Variants in MAGT1 observed in about 807,000 individuals in gnomAD.
MAGT1 encodes magnesium transporter 1, also known as dolichyl-diphosphooligosaccharide--protein glycosyltransferase subunit MAGT1.
A neutral mutation model predicts 28.4 loss-of-function variants in MAGT1; 4 were observed. The ratio of observed to expected loss-of-function variants is 0.14; its 90% confidence interval spans 0.07 to 0.32. The LOEUF is 0.32. Ranked by LOEUF, MAGT1 falls within the 10% of genes least tolerant of loss-of-function variation. The probability of loss-of-function intolerance (pLI) is 1.00; values close to 1 mark genes in which losing one functional copy is unlikely to be tolerated. For missense variants in MAGT1, 193 were observed against 264.5 expected (o/e 0.73, Z 1.88); for synonymous variants, 89 against 89.7 (o/e 0.99, Z 0.04).
Position 77,881,666 on chromosome X carries a change from G to C in MAGT1, c.103-6069C>G, listed in dbSNP as rs782761064. Among the ~76,000 whole-genome samples the C allele has an allele frequency of 6.3e-5, 7 of 111,007 alleles. No individual in the cohort carries two copies. In the South Asian group the frequency reaches 2.7e-3, roughly 42 times the overall value. On this transcript the variant is annotated intron_variant, in intron 1 of 9. Coordinates refer to ENST00000618282, the MANE Select transcript of MAGT1 (RefSeq NM_001367916.1). ...CATTTTCTTAATCCAGGCTATCATTGTTAGACATTTGGGTTGGTTCCAAGT... is the reference window on the plus strand; with the variant it reads ...CATTTTCTTAATCCAGGCTATCATTCTTAGACATTTGGGTTGGTTCCAAGT...
chrX:77,880,957 CAAAAAAA>C (rs11285161), intron 1 of MAGT1, among the ~76,000 whole-genome samples: 1 of 35,453 alleles, frequency 2.8e-5, no homozygotes, highest in Non-Finnish European at 4.8e-5. Context: ...GAATCTGTCT[CAAAAAAA>C]AAAAAAAAAA....
At chrX:77,887,096 CTT>C (rs1207142077) in intron 1 of MAGT1, among the ~76,000 whole-genome samples, 2 of 111,058 alleles carry the variant, frequency 1.8e-5, no homozygotes, top group Non-Finnish European at 3.8e-5. Context: ...CTCTCTCTCT[CTT>C]TTGTTTCAAT....
chrX:77,861,104 G>A (rs782736778), intron 3 of MAGT1, among the ~76,000 whole-genome samples: 1 of 109,469 alleles, frequency 9.1e-6, no homozygotes, highest in South Asian at 3.9e-4. Context: ...GCTTGAACCC[G>A]GGAAACGGAG....
At chrX:77,879,335 G>A (rs1423055912) in intron 1 of MAGT1, among the ~76,000 whole-genome samples, 2 of 111,878 alleles carry the variant, frequency 1.8e-5, no homozygotes, top group Non-Finnish European at 3.8e-5. Context: ...GATTACAGGC[G>A]TGAATCACTG....
In MAGT1 at chrX:77,829,052, G is replaced by T; in HGVS notation, c.*168C>A. 4 of 422,884 alleles carry T rather than the reference G, an allele frequency of 9.5e-6. No individual in the cohort carries two copies. The highest frequency in any genetic ancestry group is 8.4e-5 in the South Asian group (2 of 23,888). 34.9% of individuals were successfully genotyped at this position (422,884 alleles called of 1,213,427 possible). ...ATACCTCAGATTTTGACAGAGGATTGCTTGTTAAGGCACTACACATCTTCT... is the reference window on the plus strand; with the variant it reads ...ATACCTCAGATTTTGACAGAGGATTTCTTGTTAAGGCACTACACATCTTCT... On this transcript the variant is annotated 3_prime_UTR_variant, in exon 10 of 10. Coordinates refer to ENST00000618282, the MANE Select transcript of MAGT1 (RefSeq NM_001367916.1).
intron 1 of MAGT1, among the ~76,000 whole-genome samples, chrX:77,886,001 C>A (rs1167252141): frequency 9.0e-6 from 1 of 110,813 alleles, no homozygotes; most frequent in Non-Finnish European, 1.9e-5. Context: ...AAAAAAATCT[C>A]TTTTAGAGAT....
intron 7 of MAGT1, among the ~76,000 whole-genome samples, chrX:77,841,642 T>TGTTTGA (rs2076934989): frequency 9.1e-6 from 1 of 110,226 alleles, no homozygotes; most frequent in Non-Finnish European, 1.9e-5. Flanking sequence ...ATTCAGTTAT[T>TGTTTGA]GCCCTGACCT....
At chrX:77,879,643 T>C in intron 1 of MAGT1, among the ~76,000 whole-genome samples, 1 of 110,846 alleles carries the variant, frequency 9.0e-6, no homozygotes, top group Non-Finnish European at 1.9e-5. Flanking sequence ...CACAATTCTT[T>C]ACCATACAGT....
intron 5 of MAGT1, 120 bp downstream of exon 5, chrX:77,856,613 A>G: frequency 8.8e-6 from 6 of 682,022 alleles, no homozygotes; most frequent in Non-Finnish European, 1.3e-5. Flanking sequence ...TAAAATATAT[A>G]AAACTATTTT....
At chrX:77,844,879 T>C (rs1307221494) in intron 7 of MAGT1, among the ~76,000 whole-genome samples, 2 of 111,772 alleles carry the variant, frequency 1.8e-5, no homozygotes, top group Admixed American at 9.6e-5. Flanking sequence ...TGGTCAATTT[T>C]GGAATAGGTG....
intron 7 of MAGT1, among the ~76,000 whole-genome samples, chrX:77,843,054 A>G (rs1557214562): frequency 8.9e-6 from 1 of 111,866 alleles, no homozygotes; most frequent in Non-Finnish European, 1.9e-5. Flanking sequence ...TACTAACAGC[A>G]GTAAAACACT....
chrX:77,857,147 G>C (rs888326782), intron 4 of MAGT1, among the ~76,000 whole-genome samples: 2 of 111,647 alleles, frequency 1.8e-5, no homozygotes, highest in African/African-American at 6.5e-5. Context: ...AAGGTCGAAA[G>C]AGTGGTTTCC....
chrX:77,840,528 G>T (rs1272556656), intron 8 of MAGT1, among the ~76,000 whole-genome samples: 3 of 110,888 alleles, frequency 2.7e-5, no homozygotes, highest in African/African-American at 9.8e-5. Flanking sequence ...GAAAAAAATC[G>T]GAATAGTTAA....
intron 1 of MAGT1, among the ~76,000 whole-genome samples, chrX:77,886,001 C>G (rs1167252141): frequency 4.5e-5 from 5 of 110,760 alleles, no homozygotes; most frequent in African/African-American, 1.6e-4. Flanking sequence ...AAAAAAATCT[C>G]TTTTAGAGAT....
At chrX:77,882,870 G>A (rs2077056348) in intron 1 of MAGT1, among the ~76,000 whole-genome samples, 1 of 106,752 alleles carries the variant, frequency 9.4e-6, no homozygotes, top group South Asian at 3.9e-4. Flanking sequence ...AGGAGGCTGA[G>A]GCAGGAGGAT....
At chrX:77,889,374 ATAT>A (rs2077075804) in intron 1 of MAGT1, among the ~76,000 whole-genome samples, 1 of 98,991 alleles carries the variant, frequency 1.0e-5, no homozygotes, top group Admixed American at 1.1e-4. Flanking sequence ...ATATATATAT[ATAT>A]TTTTTTTTTT....
intron 2 of MAGT1, among the ~76,000 whole-genome samples, chrX:77,874,173 A>G (rs2077027033): frequency 9.3e-6 from 1 of 107,479 alleles, no homozygotes; most frequent in African/African-American, 3.4e-5. Context: ...TATAGATACA[A>G]AGTTTCACTA....
Position 77,857,351 on chromosome X carries a change from A to T in MAGT1, c.531+6T>A. The stretch of plus-strand genomic sequence containing the variant: ...AAGAAACAGTCTACATAGTTGGGAA[A>T]CTTACATTGACATCAGTTCTGTCGG... On this transcript the variant is annotated splice_donor_region_variant and intron_variant, in intron 4 of 9. Coordinates refer to ENST00000618282, the MANE Select transcript of MAGT1 (RefSeq NM_001367916.1). 1 of 1,211,559 alleles carries T rather than the reference A, an allele frequency of 8.3e-7. No individual in the cohort carries two copies. The highest frequency in any genetic ancestry group is 1.1e-6 in the Non-Finnish European group (1 of 895,433).
chrX:77,832,765 G>T (rs959188946), intron 8 of MAGT1, among the ~76,000 whole-genome samples: 3 of 90,680 alleles, frequency 3.3e-5, no homozygotes, highest in African/African-American at 8.5e-5. Flanking sequence ...AAAGCTTGCA[G>T]TGAACCAAGA....
Sources: allele counts gnomAD v4.1 joint callset (sites outside exome capture counted in the v4.1 genomes callset), GRCh38; gene constraint gnomAD v4.1.1; transcripts MANE v1.5; gene names NCBI Gene and HGNC (gene_info 2026-07-23, HGNC 2026-07-21).